KCNJ1: variants seen among roughly 807,000 people sequenced by gnomAD.
KCNJ1 encodes ATP-sensitive inward rectifier potassium channel 1.
A neutral mutation model predicts 21.9 loss-of-function variants in KCNJ1; 24 were observed. The observed-to-expected ratio is 1.10, with a 90% confidence interval of 0.79 to 1.54. The LOEUF is 1.54. Among genes scored for constraint, KCNJ1 ranks in the 40% most tolerant of loss-of-function variants. The pLI is 0.00. For synonymous variants in KCNJ1, 152 were observed against 160.9 expected (o/e 0.94, Z 0.42); for missense variants, 457 against 455.4 (o/e 1.00, Z -0.03).
rs1348561786 is a variant in KCNJ1 at position 128,867,243 on chromosome 11, C to T, written c.-262G>A. ...TGGTCTCCAAGAAAGCAACCAGATT[C>T]TCGATGTGAGCAAGTCCCTGCACCT... is the stretch of plus-strand genomic sequence containing the variant. On this transcript the variant is annotated 5_prime_UTR_variant, in exon 1 of 3. Coordinates refer to ENST00000392666, the MANE Select transcript of KCNJ1 (RefSeq NM_153766.3). 6.6e-6 allele frequency: 1 copy of T among 152,114 alleles called. No individual in the cohort carries two copies. The highest frequency in any genetic ancestry group is 2.4e-5 in the African/African-American group (1 of 41,404). The allele number at this position is 152,114 out of a possible 1,614,324, so 9.4% of individuals were successfully genotyped here. A position where few individuals can be genotyped will look rare whatever the true frequency, so the allele number is the denominator to read the frequency against.
rs71472076 is a variant in KCNJ1 at position 128,864,074 on chromosome 11, C to CTTT, written c.-192+3096_-192+3098dup. On this transcript the variant is annotated intron_variant, in intron 1 of 2. Coordinates refer to ENST00000392666, the MANE Select transcript of KCNJ1 (RefSeq NM_153766.3). ...TTCTTTTTCTTTTTTCTTTTTCTCT[C>CTTT]TTTTTTTTTTTTTTTTTTTTTTTTT... 3.4e-3 allele frequency among the ~76,000 whole-genome samples: 294 copies of CTTT among 86,692 alleles called. 12 individuals carry two copies. Among genetic ancestry groups the CTTT allele is most frequent in the East Asian group, 5.6e-3 (17 of 3,050 alleles). The allele number at this position is 86,692 out of a possible 152,430, so 56.9% of individuals were successfully genotyped here. A position where few individuals can be genotyped will look rare whatever the true frequency, so the allele number is the denominator to read the frequency against.
Position 128,839,742 on chromosome 11 carries a change from T to C in KCNJ1, c.502A>G (p.Lys168Glu). 1 of 1,613,876 alleles carries C rather than the reference T, an allele frequency of 6.2e-7. No homozygotes were observed. Among genetic ancestry groups the C allele is most frequent in the Non-Finnish European group, 8.5e-7 (1 of 1,179,976 alleles). The part of the protein sequence containing the change: ...AILAKISRPK[K>E]RAKTITFSKN... ...CTGAACGTAATGGTCTTGGCACGTT[T>C]TTTGGGCCTGGAGATCTTGGCTAAG... Residue 168 changes from lysine (K) to glutamate (E), a missense_variant, in exon 3 of 3, where the codon AAA becomes GAA. Transcript: ENST00000392666.
chr11:128,838,937 T>C lies in KCNJ1; in HGVS notation c.*188A>G. 4 of 619,870 alleles carry C rather than the reference T, an allele frequency of 6.5e-6. No individual in the cohort carries two copies. In the East Asian group the frequency reaches 8.2e-5, roughly 13 times the overall value. 38.4% of individuals were successfully genotyped at this position (619,870 alleles called of 1,614,324 possible). On this transcript the variant is annotated 3_prime_UTR_variant, in exon 3 of 3. Transcript: ENST00000392666. ...TTTCATATAAATGCATTGCACGTTC[T>C]AATACAGTAGCCTTGTGGAGATGCA...
At position 128,838,942 on chromosome 11, in the gene KCNJ1, C is replaced by G; in HGVS notation, c.*183G>C. 1.6e-6 allele frequency: 1 copy of G among 625,490 alleles called. No homozygotes were observed. Among genetic ancestry groups the G allele is most frequent in the African/African-American group, 1.8e-5 (1 of 54,582 alleles). 38.7% of individuals were successfully genotyped at this position (625,490 alleles called of 1,614,324 possible). A position where few individuals can be genotyped will look rare whatever the true frequency, so the allele number is the denominator to read the frequency against. ...TATAAATGCATTGCACGTTCTAATA[C>G]AGTAGCCTTGTGGAGATGCATGTCT... On this transcript the variant is annotated 3_prime_UTR_variant, in exon 3 of 3. Coordinates refer to ENST00000392666, the MANE Select transcript of KCNJ1 (RefSeq NM_153766.3).
In KCNJ1 at chr11:128,839,602, G is replaced by T; in HGVS notation, c.642C>A (p.Thr214=). ...GSHIYGKLLK[T]TVTPEGETII... is the part of the protein sequence containing the mutation. ...TGGTCTCTCCTTCAGGAGTGACTGTGGTCTTCAGAAGCTTTCCATAAATGT... is the reference window on the plus strand; with the variant it reads ...TGGTCTCTCCTTCAGGAGTGACTGTTGTCTTCAGAAGCTTTCCATAAATGT... The change falls in exon 3 of 3, where the codon ACC becomes ACA. Residue 214 remains threonine (T), a synonymous_variant. Coordinates refer to ENST00000392666, the MANE Select transcript of KCNJ1 (RefSeq NM_153766.3). 6.2e-7 allele frequency: 1 copy of T among 1,613,992 alleles called. No homozygotes were observed.
chr11:128,860,606 C>T (rs183171963), intron 1 of KCNJ1, among the ~76,000 whole-genome samples: 85 of 152,344 alleles, frequency 5.6e-4, no homozygotes, highest in Non-Finnish European at 9.3e-4. Context: ...TGCCACCTCA[C>T]GGGTGGGCCT....
At chr11:128,854,481 C>T (rs547742833) in intron 1 of KCNJ1, among the ~76,000 whole-genome samples, 2 of 152,170 alleles carry the variant, frequency 1.3e-5, no homozygotes, top group East Asian at 1.9e-4. Flanking sequence ...CGTGCCACTA[C>T]TTACCTCTGC....
chr11:128,855,147 C>T (rs1233470583), intron 1 of KCNJ1, among the ~76,000 whole-genome samples: 1 of 152,206 alleles, frequency 6.6e-6, no homozygotes, highest in East Asian at 1.9e-4. Flanking sequence ...AACCCTGGAG[C>T]TCATTGTGAG....
intron 1 of KCNJ1, among the ~76,000 whole-genome samples, chr11:128,864,268 G>A (rs1271125639): frequency 1.3e-5 from 2 of 151,338 alleles, no homozygotes; most frequent in African/African-American, 2.4e-5. Flanking sequence ...CAAATTTTTA[G>A]ACAGATGAGG....
intron 1 of KCNJ1, among the ~76,000 whole-genome samples, chr11:128,866,172 A>T (rs1489555543): frequency 6.6e-6 from 1 of 152,240 alleles, no homozygotes; most frequent in Non-Finnish European, 1.5e-5. Context: ...AAGGGAGCCC[A>T]CAAAGACTGG....
intron 2 of KCNJ1, among the ~76,000 whole-genome samples, chr11:128,847,754 G>A (rs913766970): frequency 6.6e-6 from 1 of 152,226 alleles, no homozygotes; most frequent in African/African-American, 2.4e-5. Flanking sequence ...TGTTTGTGAG[G>A]TCTTACCAGT....
intron 1 of KCNJ1, among the ~76,000 whole-genome samples, chr11:128,862,467 G>A (rs528810073): frequency 1.3e-5 from 2 of 152,312 alleles, no homozygotes; most frequent in East Asian, 1.9e-4. Flanking sequence ...ATGGAGTATT[G>A]GGAGAGGAAA....
At chr11:128,852,803 C>G (rs1943499680) in intron 1 of KCNJ1, among the ~76,000 whole-genome samples, 1 of 152,248 alleles carries the variant, frequency 6.6e-6, no homozygotes, top group African/African-American at 2.4e-5. Context: ...TTGACCAATC[C>G]TCGTGTCTGC....
intron 1 of KCNJ1, among the ~76,000 whole-genome samples, chr11:128,854,433 G>C (rs561780300): frequency 6.6e-6 from 1 of 151,944 alleles, no homozygotes; most frequent in Non-Finnish European, 1.5e-5. Context: ...AGAGGCCCAC[G>C]GGCCCATTCA....
At chr11:128,841,142 C>T (rs2238009) in intron 2 of KCNJ1, among the ~76,000 whole-genome samples, 39,144 of 152,060 alleles carry the variant, frequency 0.26, 7,288 homozygotes, top group African/African-American at 0.53. Flanking sequence ...TCTCTCCCCA[C>T]GGTTTCCCAA....
Position 128,838,676 on chromosome 11 carries a change from G to A in KCNJ1, c.*449C>T, listed in dbSNP as rs1943210947. ...CCAAATTAGGAGACAATTTTTCCAT[G>A]AGTAAAAGTCCACATTAAAAGTGGA... On this transcript the variant is annotated 3_prime_UTR_variant, in exon 3 of 3. Coordinates refer to ENST00000392666, the MANE Select transcript of KCNJ1 (RefSeq NM_153766.3). 6.1e-6 allele frequency: 1 copy of A among 164,716 alleles called. No individual in the cohort carries two copies. Among genetic ancestry groups the A allele is most frequent in the South Asian group, 1.6e-4 (1 of 6,336 alleles). The allele number at this position is 164,716 out of a possible 1,614,324, so 10.2% of individuals were successfully genotyped here.
intron 2 of KCNJ1, chr11:128,842,477 T>C: frequency 6.2e-7 from 1 of 1,612,904 alleles, no homozygotes; most frequent in Non-Finnish European, 8.5e-7. Flanking sequence ...ACTGATTTCT[T>C]TTAGACTCAG....
rs764078087 is a variant in KCNJ1 at position 128,840,155 on chromosome 11, C to T, written c.89G>A (p.Cys30Tyr). 2.5e-5 allele frequency: 41 copies of T among 1,614,138 alleles called. No individual in the cohort carries two copies. In the South Asian group the frequency reaches 3.6e-4, roughly 14 times the overall value. ...RARLVSKDGRCNIEFGNVEAQ... is the reference protein window; with the variant it reads ...RARLVSKDGRYNIEFGNVEAQ... ...CTCCACATTGCCAAATTCTATGTTGCACCTTCCATCTTTGGAGACTAGCCT... is the reference window on the plus strand; with the variant it reads ...CTCCACATTGCCAAATTCTATGTTGTACCTTCCATCTTTGGAGACTAGCCT... Residue 30 changes from cysteine (C) to tyrosine (Y), a missense_variant, in exon 3 of 3, where the codon TGC (cysteine) becomes TAC (tyrosine). Transcript: ENST00000392666.
At chr11:128,856,262 G>A (rs1266133533) in intron 1 of KCNJ1, among the ~76,000 whole-genome samples, 4 of 145,946 alleles carry the variant, frequency 2.7e-5, no homozygotes, top group Non-Finnish European at 6.1e-5. Context: ...TAGGTTAGAC[G>A]AGAAGGATGC....
Sources: gnomAD v4.1 joint callset for allele counts (sites outside exome capture counted in the v4.1 genomes callset) on GRCh38, gnomAD v4.1.1 for gene constraint, MANE v1.5 for transcripts, NCBI Gene and HGNC (gene_info 2026-07-23, HGNC 2026-07-21) for gene names.